KCNAB1: variants seen among roughly 807,000 people sequenced by gnomAD.
KCNAB1 encodes voltage-gated potassium channel subunit beta-1.
KCNAB1 carries 35 observed loss-of-function variants against 64.6 expected under a neutral mutation model. The observed-to-expected ratio is 0.54, with a 90% confidence interval of 0.41 to 0.72. The LOEUF (loss-of-function observed/expected upper bound fraction) is 0.72. Among genes scored for constraint, KCNAB1 ranks in the 30% least tolerant of loss-of-function variants. The pLI, the probability that KCNAB1 is intolerant of heterozygous loss-of-function variation, is 0.00. For missense variants in KCNAB1, 401 were observed against 512.9 expected, an observed-to-expected ratio of 0.78 and a Z score of 2.11; for synonymous variants, 177 against 183.8, an observed-to-expected ratio of 0.96 and a Z score of 0.30.
chr3:156,480,373 C>T (rs962086271), intron 8 of KCNAB1, among the ~76,000 whole-genome samples: 37 of 150,582 alleles, frequency 2.5e-4, no homozygotes, highest in African/African-American at 7.8e-4. Context: ...TATCGGGGCC[C>T]GTTGTGGGGT....
At chr3:156,510,279 G>A (rs942781931) in intron 8 of KCNAB1, among the ~76,000 whole-genome samples, 3 of 152,022 alleles carry the variant, frequency 2.0e-5, no homozygotes, top group African/African-American at 7.3e-5. Context: ...TTTACACTTG[G>A]TTCACAGTTT....
chr3:156,313,192 T>C (rs1722039529), intron 1 of KCNAB1, among the ~76,000 whole-genome samples: 1 of 152,174 alleles, frequency 6.6e-6, no homozygotes, highest in Non-Finnish European at 1.5e-5. Flanking sequence ...TAAAAAATAG[T>C]ATATTATTAT....
intron 1 of KCNAB1, among the ~76,000 whole-genome samples, chr3:156,121,133 GGA>G (rs1713318250): frequency 6.6e-6 from 1 of 152,200 alleles, no homozygotes; most frequent in African/African-American, 2.4e-5. Flanking sequence ...GGAGCTGACA[GGA>G]CAAAAGAGCA....
At chr3:156,268,573 G>T (rs1576661616) in intron 1 of KCNAB1, among the ~76,000 whole-genome samples, 4 of 152,222 alleles carry the variant, frequency 2.6e-5, no homozygotes, top group South Asian at 4.1e-4. Context: ...TTTAACTGGG[G>T]TGAGATGATA....
intron 1 of KCNAB1, among the ~76,000 whole-genome samples, chr3:156,218,797 A>AT (rs200662288): frequency 0.033 from 2,916 of 88,334 alleles, 137 homozygotes; most frequent in African/African-American, 0.12. Flanking sequence ...AAAAAAAAAA[A>AT]AAAAAATAAT....
chr3:156,289,838 G>A (rs1720295052), intron 1 of KCNAB1, among the ~76,000 whole-genome samples: 1 of 152,172 alleles, frequency 6.6e-6, no homozygotes, highest in African/African-American at 2.4e-5. Context: ...ATTTAGTTGG[G>A]AAGAAATGGT....
intron 1 of KCNAB1, among the ~76,000 whole-genome samples, chr3:156,354,412 C>T (rs1433362750): frequency 1.3e-5 from 2 of 151,802 alleles, no homozygotes; most frequent in South Asian, 2.1e-4. Context: ...CTGCCTGCCT[C>T]GGCCTCCCAA....
intron 1 of KCNAB1, among the ~76,000 whole-genome samples, chr3:156,306,913 C>T (rs1278342339): frequency 3.9e-5 from 6 of 152,222 alleles, no homozygotes; most frequent in African/African-American, 1.4e-4. Context: ...ACAGAATTCC[C>T]TGACGCTGAA....
chr3:156,318,889 C>T (rs1206582550), intron 1 of KCNAB1, among the ~76,000 whole-genome samples: 3 of 152,128 alleles, frequency 2.0e-5, no homozygotes, highest in Non-Finnish European at 4.4e-5. Context: ...GGCCCCAAGA[C>T]ATTAAGGACT....
At chr3:156,479,596 C>T (rs1344166207) in intron 8 of KCNAB1, among the ~76,000 whole-genome samples, 16 of 152,184 alleles carry the variant, frequency 1.1e-4, no homozygotes, top group Non-Finnish European at 1.5e-4. Flanking sequence ...ACTAACTTTT[C>T]GATCTGAAAA....
intron 1 of KCNAB1, among the ~76,000 whole-genome samples, chr3:156,255,602 C>T (rs980082370): frequency 5.3e-5 from 8 of 152,182 alleles, no homozygotes; most frequent in African/African-American, 1.9e-4. Flanking sequence ...TCTGCATTTG[C>T]CCAGTACTTC....
chr3:156,500,461 G>T (rs1036829261), intron 8 of KCNAB1, among the ~76,000 whole-genome samples: 8 of 152,056 alleles, frequency 5.3e-5, no homozygotes, highest in African/African-American at 1.9e-4. Flanking sequence ...ACATCAAGAA[G>T]TTAGAGACAT....
chr3:156,520,660 GA>G (rs768230115), intron 11 of KCNAB1, among the ~76,000 whole-genome samples: 14 of 152,334 alleles, frequency 9.2e-5, no homozygotes, highest in Non-Finnish European at 2.1e-4. Context: ...AGTTGGGAGA[GA>G]GGGGTGGTCC....
chr3:156,154,615 C>T (rs1436338034), intron 1 of KCNAB1, among the ~76,000 whole-genome samples: 1 of 152,178 alleles, frequency 6.6e-6, no homozygotes, highest in African/African-American at 2.4e-5. Context: ...TTCCCATCAA[C>T]TATTTGACCT....
intron 12 of KCNAB1, among the ~76,000 whole-genome samples, chr3:156,528,686 G>C (rs1005699486): frequency 2.0e-5 from 3 of 152,166 alleles, no homozygotes; most frequent in African/African-American, 7.2e-5. Context: ...GGAACAGCTT[G>C]AGCAATGTGC....
intron 1 of KCNAB1, among the ~76,000 whole-genome samples, chr3:156,197,070 T>C (rs1281907034): frequency 6.6e-6 from 1 of 152,224 alleles, no homozygotes; most frequent in Non-Finnish European, 1.5e-5. Flanking sequence ...CATGTGGTTT[T>C]TGTCATTGGC....
At chr3:156,170,310 G>A (rs1281554955) in intron 1 of KCNAB1, among the ~76,000 whole-genome samples, 1 of 150,552 alleles carries the variant, frequency 6.6e-6, no homozygotes, top group Non-Finnish European at 1.5e-5. Flanking sequence ...AGAGAAAGCA[G>A]CAACTGCAGT....
At chr3:156,267,934 A>C (rs1224266598) in intron 1 of KCNAB1, among the ~76,000 whole-genome samples, 2 of 152,016 alleles carry the variant, frequency 1.3e-5, no homozygotes, top group African/African-American at 4.8e-5. Context: ...TTAAATCATT[A>C]TTGACCATAG....
chr3:156,350,431 C>A (rs1724779426), intron 1 of KCNAB1, among the ~76,000 whole-genome samples: 1 of 151,614 alleles, frequency 6.6e-6, no homozygotes, highest in Non-Finnish European at 1.5e-5. Flanking sequence ...GCCTATAGTT[C>A]CATTACTTGA....
Sources: allele counts gnomAD v4.1 joint callset (sites outside exome capture counted in the v4.1 genomes callset), GRCh38; gene constraint gnomAD v4.1.1; transcripts MANE v1.5; gene names NCBI Gene and HGNC (gene_info 2026-07-23, HGNC 2026-07-21).